The following DIAPH3 variants were observed in gnomAD, a reference collection of about 807,000 sequenced individuals.
The protein encoded by DIAPH3 is protein diaphanous homolog 3.
A neutral mutation model predicts 144.3 loss-of-function variants in DIAPH3; 117 were observed. The ratio of observed to expected loss-of-function variants is 0.81; its 90% CI spans 0.70 to 0.95. The LOEUF is 0.95. Ranked by LOEUF, DIAPH3 falls within the 40% of genes least tolerant of loss-of-function variation. DIAPH3 has a pLI of 0.00. For missense variants in DIAPH3, 1,421 were observed against 1,412.7 expected (o/e 1.01, Z -0.09); for synonymous variants, 519 against 488.9 (o/e 1.06, Z -0.81).
chr13:59,710,192 A>G (rs1013532021), intron 27 of DIAPH3, among the ~76,000 whole-genome samples: 2 of 151,478 alleles, frequency 1.3e-5, no homozygotes, highest in African/African-American at 2.4e-5. Context: ...ACATGTATAC[A>G]TATGTAACTA....
At chr13:59,787,571 AAAT>A (rs1220248068) in intron 25 of DIAPH3, among the ~76,000 whole-genome samples, 1 of 151,408 alleles carries the variant, frequency 6.6e-6, no homozygotes, top group African/African-American at 2.4e-5. Context: ...ATAAAAAATC[AAAT>A]AATAACAAAC....
intron 5 of DIAPH3, among the ~76,000 whole-genome samples, chr13:60,040,042 C>T (rs2055524871): frequency 6.6e-6 from 1 of 151,832 alleles, no homozygotes; most frequent in African/African-American, 2.4e-5. Context: ...TCAAGACCAG[C>T]CTGGCCAATA....
chr13:59,820,411 C>T (rs749971553), intron 24 of DIAPH3, among the ~76,000 whole-genome samples: 15 of 151,840 alleles, frequency 9.9e-5, no homozygotes, highest in Non-Finnish European at 1.9e-4. Flanking sequence ...CATATATATG[C>T]ACATTGTTTT....
intron 2 of DIAPH3, among the ~76,000 whole-genome samples, chr13:60,112,509 C>T (rs2058595690): frequency 6.6e-6 from 1 of 152,150 alleles, no homozygotes; most frequent in Admixed American, 6.5e-5. Context: ...AGAAAGATTA[C>T]TTAGATAATT....
intron 14 of DIAPH3, among the ~76,000 whole-genome samples, chr13:59,978,884 T>C (rs17057493): frequency 0.079 from 12,038 of 151,694 alleles, 788 homozygotes; most frequent in East Asian, 0.4. Flanking sequence ...TTAGTGCATC[T>C]GTACAAGAAG....
chr13:59,987,579 G>A (rs1269519463), intron 12 of DIAPH3, among the ~76,000 whole-genome samples: 1 of 148,450 alleles, frequency 6.7e-6, no homozygotes, highest in Non-Finnish European at 1.5e-5. Flanking sequence ...TTTTTGGCCA[G>A]AAACTTGTTA....
chr13:60,049,106 A>C (rs1165278957), intron 4 of DIAPH3, among the ~76,000 whole-genome samples: 2 of 152,232 alleles, frequency 1.3e-5, no homozygotes, highest in African/African-American at 2.4e-5. Context: ...ACTACTGATA[A>C]ATGCAACAAG....
chr13:59,686,133 T>C (rs77022278), intron 27 of DIAPH3, among the ~76,000 whole-genome samples: 3,201 of 152,180 alleles, frequency 0.021, 82 homozygotes, highest in East Asian at 0.12. Context: ...AAAATTACAT[T>C]GAAAATAATG....
At chr13:59,869,570 G>A (rs535568423) in intron 21 of DIAPH3, among the ~76,000 whole-genome samples, 18 of 152,176 alleles carry the variant, frequency 1.2e-4, no homozygotes, top group South Asian at 6.2e-4. Context: ...TCTTTGTTTC[G>A]ACTTTTTGTT....
At chr13:59,884,165 T>C (rs114919162) in intron 20 of DIAPH3, among the ~76,000 whole-genome samples, 334 of 152,236 alleles carry the variant, frequency 2.2e-3, no homozygotes, top group African/African-American at 7.5e-3. Flanking sequence ...AACCCTGTTG[T>C]GAACTATGCA....
At chr13:59,707,806 A>G (rs570503750) in intron 27 of DIAPH3, among the ~76,000 whole-genome samples, 31 of 152,096 alleles carry the variant, frequency 2.0e-4, no homozygotes, top group African/African-American at 6.8e-4. Flanking sequence ...TCCCATTTCT[A>G]CCGATGAACT....
chr13:59,992,332 C>T, intron 10 of DIAPH3, 141 bp downstream of exon 10: 1 of 1,009,518 alleles, frequency 9.9e-7, no homozygotes, highest in South Asian at 1.5e-5. Context: ...CGAATCTTAT[C>T]ATCTATATTT....
chr13:60,028,929 T>G (rs538703006), intron 5 of DIAPH3, among the ~76,000 whole-genome samples: 15 of 151,946 alleles, frequency 9.9e-5, no homozygotes, highest in East Asian at 5.8e-4. Context: ...TGTGGTGGCA[T>G]GCGCCTGTAG....
At chr13:60,035,924 T>C (rs187554106) in intron 5 of DIAPH3, among the ~76,000 whole-genome samples, 1 of 152,348 alleles carries the variant, frequency 6.6e-6, no homozygotes, top group Non-Finnish European at 1.5e-5. Flanking sequence ...TGTACTATAT[T>C]GCTGATTCCC....
chr13:59,912,198 G>C (rs943357930), intron 19 of DIAPH3, among the ~76,000 whole-genome samples: 1 of 152,068 alleles, frequency 6.6e-6, no homozygotes, highest in Non-Finnish European at 1.5e-5. Context: ...AGAAATTTCA[G>C]GCAAAGCCAA....
chr13:59,912,786 T>C (rs1225686418), intron 19 of DIAPH3, among the ~76,000 whole-genome samples: 1 of 152,152 alleles, frequency 6.6e-6, no homozygotes, highest in Non-Finnish European at 1.5e-5. Flanking sequence ...TATATATTTA[T>C]GGGGGGAAAT....
intron 7 of DIAPH3, among the ~76,000 whole-genome samples, chr13:60,011,979 C>T (rs865800117): frequency 2.0e-5 from 3 of 152,144 alleles, no homozygotes; most frequent in South Asian, 2.1e-4. Context: ...TACTATTTAT[C>T]TAGCATGCAT....
At chr13:60,060,632 A>T (rs2056732457) in intron 4 of DIAPH3, among the ~76,000 whole-genome samples, 1 of 152,126 alleles carries the variant, frequency 6.6e-6, no homozygotes, top group African/African-American at 2.4e-5. Context: ...CCTCTTTGTA[A>T]CTAACTGGAT....
At chr13:60,079,754 T>C (rs965162207) in intron 4 of DIAPH3, among the ~76,000 whole-genome samples, 2 of 152,038 alleles carry the variant, frequency 1.3e-5, no homozygotes, top group Admixed American at 1.3e-4. Flanking sequence ...GTATATTTCA[T>C]GTGCGGGAAA....
Sources: gnomAD v4.1 joint callset for allele counts (sites outside exome capture counted in the v4.1 genomes callset) on GRCh38, gnomAD v4.1.1 for gene constraint, MANE v1.5 for transcripts, NCBI Gene and HGNC (gene_info 2026-07-23, HGNC 2026-07-21) for gene names.